Variants in PTPRM observed in about 807,000 individuals in gnomAD.
The protein encoded by PTPRM is receptor-type tyrosine-protein phosphatase mu.
Under a neutral mutation model 186.7 loss-of-function variants are expected in PTPRM, and 47 were observed. That is an observed-to-expected ratio of 0.25 (90% CI 0.20 to 0.32). The LOEUF is 0.32. Ranked by LOEUF, PTPRM falls within the 10% of genes least tolerant of loss-of-function variation. The probability of loss-of-function intolerance (pLI) is 1.00; values close to 1 mark genes in which losing one functional copy is unlikely to be tolerated. For missense variants in PTPRM, 1,494 were observed against 1,865.0 expected, an observed-to-expected ratio of 0.80 and a Z score of 3.66; for synonymous variants, 668 against 674.9, an observed-to-expected ratio of 0.99 and a Z score of 0.16.
At chr18:8,254,628 A>G (rs545153128) in intron 19 of PTPRM, among the ~76,000 whole-genome samples, 14 of 152,282 alleles carry the variant, frequency 9.2e-5, no homozygotes, top group African/African-American at 2.6e-4. Flanking sequence ...TGTTTCTACC[A>G]CCTGGATAGT....
rs537384901 is a variant in PTPRM at position 7,921,181 on chromosome 18, C to A, written c.548-5387C>A. ...TAATAGGTAAGCTTTTTGCCCCTTG[C>A]TGTTGCTCAACTACCTCTTGAGCAC... On this transcript the variant is annotated intron_variant, in intron 4 of 32. Coordinates refer to ENST00000580170, the MANE Select transcript of PTPRM (RefSeq NM_001105244.2). 2.6e-5 allele frequency among the ~76,000 whole-genome samples: 4 copies of A among 152,206 alleles called. No homozygotes were observed. The South Asian group carries it at 8.3e-4, about 32-fold the overall frequency.
chr18:8,314,868 T>G lies in PTPRM; in HGVS notation c.2919+11T>G. 1 of 1,526,996 alleles carries G rather than the reference T, an allele frequency of 6.5e-7. No homozygotes were observed. Among genetic ancestry groups the G allele is most frequent in the Non-Finnish European group, 9.0e-7 (1 of 1,109,534 alleles). The allele number at this position is 1,526,996 out of a possible 1,614,324, so 94.6% of individuals were successfully genotyped here. A position where few individuals can be genotyped will look rare whatever the true frequency, so the allele number is the denominator to read the frequency against. ...GGCAATTATATCGATGTATGTATTTTATTATTTTTAATTGATATATAATTG... is the reference window on the plus strand; with the variant it reads ...GGCAATTATATCGATGTATGTATTTGATTATTTTTAATTGATATATAATTG... On this transcript the variant is annotated intron_variant, in intron 21 of 32. Transcript: ENST00000580170.
chr18:8,178,793 A>C (rs1303362000), intron 14 of PTPRM, among the ~76,000 whole-genome samples: 1 of 141,420 alleles, frequency 7.1e-6, no homozygotes, highest in Non-Finnish European at 1.6e-5. Context: ...TCTCAAAAAT[A>C]ATAATAATAA....
chr18:7,942,582 T>C (rs2052251894), intron 5 of PTPRM, among the ~76,000 whole-genome samples: 1 of 144,128 alleles, frequency 6.9e-6, no homozygotes, highest in Non-Finnish European at 1.5e-5. Context: ...CCTCTGAGTT[T>C]CCTAGCCCAT....
chr18:7,634,559 A>G (rs894238440), intron 1 of PTPRM, among the ~76,000 whole-genome samples: 2 of 152,230 alleles, frequency 1.3e-5, no homozygotes, highest in East Asian at 1.9e-4. Context: ...GGATTGAACA[A>G]TATTTTAGAT....
intron 14 of PTPRM, among the ~76,000 whole-genome samples, chr18:8,174,933 C>T (rs1268321338): frequency 1.3e-5 from 2 of 152,248 alleles, no homozygotes; most frequent in Non-Finnish European, 2.9e-5. Context: ...GCAATCTGTG[C>T]ACTCTTATCT....
chr18:8,266,232 G>T (rs948269436), intron 19 of PTPRM, among the ~76,000 whole-genome samples: 3 of 152,002 alleles, frequency 2.0e-5, no homozygotes, highest in African/African-American at 7.3e-5. Context: ...CTGAAATGTG[G>T]TTATGATTCC....
chr18:8,165,006 T>C (rs2093298474), intron 14 of PTPRM, among the ~76,000 whole-genome samples: 1 of 151,678 alleles, frequency 6.6e-6, no homozygotes, highest in African/African-American at 2.4e-5. Context: ...CCGTCTCCAC[T>C]AAAAATACAA....
intron 2 of PTPRM, among the ~76,000 whole-genome samples, chr18:7,880,417 A>AG (rs1404660650): frequency 2.0e-5 from 3 of 152,254 alleles, no homozygotes; most frequent in Non-Finnish European, 4.4e-5. Context: ...GGGCAAACGG[A>AG]AAGAAAATGT....
At chr18:7,745,744 G>A (rs1178347073) in intron 1 of PTPRM, among the ~76,000 whole-genome samples, 2 of 152,050 alleles carry the variant, frequency 1.3e-5, no homozygotes, top group Non-Finnish European at 2.9e-5. Context: ...AGATATAAGG[G>A]CATCTAGAAA....
intron 2 of PTPRM, among the ~76,000 whole-genome samples, chr18:7,845,596 A>G (rs1251327587): frequency 6.6e-6 from 1 of 152,216 alleles, no homozygotes; most frequent in Non-Finnish European, 1.5e-5. Context: ...CTGATTAGAA[A>G]TGTTTTTCTG....
chr18:7,600,575 A>T (rs890607975), intron 1 of PTPRM, among the ~76,000 whole-genome samples: 1 of 152,240 alleles, frequency 6.6e-6, no homozygotes, highest in Admixed American at 6.5e-5. Flanking sequence ...TCAAAAGTCC[A>T]TGTCCTTGTG....
intron 11 of PTPRM, among the ~76,000 whole-genome samples, chr18:8,091,587 A>G (rs916269015): frequency 1.4e-5 from 2 of 140,218 alleles, no homozygotes; most frequent in Non-Finnish European, 3.1e-5. Flanking sequence ...TGTCGAAAAG[A>G]TTTTTTTTTT....
At chr18:8,163,328 G>C (rs1405766933) in intron 14 of PTPRM, among the ~76,000 whole-genome samples, 3 of 152,052 alleles carry the variant, frequency 2.0e-5, no homozygotes, top group Non-Finnish European at 4.4e-5. Flanking sequence ...ATGCTAGCCT[G>C]ATTTTCTAAA....
chr18:8,187,520 CTA>C (rs1357231006), intron 14 of PTPRM, among the ~76,000 whole-genome samples: 1 of 152,170 alleles, frequency 6.6e-6, no homozygotes, highest in Admixed American at 6.5e-5. Flanking sequence ...GTAGAAACCT[CTA>C]TTGTGTTTTA....
At chr18:7,722,423 T>C (rs2040464495) in intron 1 of PTPRM, among the ~76,000 whole-genome samples, 1 of 152,146 alleles carries the variant, frequency 6.6e-6, no homozygotes, top group South Asian at 2.1e-4. Context: ...GGAGACATAC[T>C]GTACACCGTA....
intron 14 of PTPRM, among the ~76,000 whole-genome samples, chr18:8,174,097 A>G (rs943298409): frequency 4.6e-5 from 7 of 151,916 alleles, no homozygotes; most frequent in Admixed American, 4.6e-4. Flanking sequence ...CTTAGATTTT[A>G]CAATAGTGGT....
At chr18:7,906,379 A>G (rs987500058) in intron 3 of PTPRM, 126 bp from the exon 4 acceptor site, 11 of 713,532 alleles carry the variant, frequency 1.5e-5, no homozygotes, top group Non-Finnish European at 2.4e-5. Context: ...TGACTAGCAG[A>G]TGTTACGTAC....
At chr18:7,639,493 TCTC>T (rs1238404486) in intron 1 of PTPRM, among the ~76,000 whole-genome samples, 1 of 151,980 alleles carries the variant, frequency 6.6e-6, no homozygotes, top group African/African-American at 2.4e-5. Flanking sequence ...TTTAAGTGAT[TCTC>T]CTGCCTCAGC....
Sources: allele counts gnomAD v4.1 joint callset (sites outside exome capture counted in the v4.1 genomes callset), GRCh38; gene constraint gnomAD v4.1.1; transcripts MANE v1.5; gene names NCBI Gene and HGNC (gene_info 2026-07-23, HGNC 2026-07-21).